ITPKA: variants seen among roughly 807,000 people sequenced by gnomAD.
The protein encoded by ITPKA is IP3 3-kinase A.
Under a neutral mutation model 40.7 loss-of-function variants are expected in ITPKA, and 16 were observed. That is an observed-to-expected ratio of 0.39 (90% CI 0.27 to 0.60). The LOEUF is 0.60. Ranked by LOEUF, ITPKA falls within the 20% of genes least tolerant of loss-of-function variation. ITPKA has a pLI of 0.50. For missense variants in ITPKA, 540 were observed against 649.3 expected, an observed-to-expected ratio of 0.83 and a Z score of 1.83; for synonymous variants, 313 against 289.9, an observed-to-expected ratio of 1.08 and a Z score of -0.81.
intron 1 of ITPKA, among the ~76,000 whole-genome samples, chr15:41,500,150 G>T (rs189521680): frequency 4.2e-4 from 64 of 152,232 alleles, no homozygotes; most frequent in African/African-American, 1.5e-3. Context: ...TAGTAGAGAC[G>T]GGGTTTCACC....
At position 41,500,670 on chromosome 15, in the gene ITPKA, C is replaced by G. The variant is rs138391936; in HGVS notation, c.490-793C>G. 4.7e-4 allele frequency among the ~76,000 whole-genome samples: 71 copies of G among 152,216 alleles called. No homozygotes were observed. In the East Asian group the frequency reaches 0.013, roughly 28 times the overall value. ...TCTTTTTCTTACAGATGCACAGAGG[C>G]TTGTTTCTTGGGCCCTGGAATCTTT... is the stretch of plus-strand genomic sequence containing the variant. On this transcript the variant is annotated intron_variant, in intron 1 of 6. Transcript: ENST00000260386.
In ITPKA at chr15:41,502,818, C is replaced by T; in HGVS notation, c.1141C>T (p.Arg381Trp). The change falls in exon 6 of 7, where the codon CGG becomes TGG. Residue 381 changes from arginine (R) to tryptophan (W), a missense_variant. Coordinates refer to ENST00000260386, the MANE Select transcript of ITPKA (RefSeq NM_002220.3). ...GTATCTGAACCGCCTGCAGCAGATC[C>T]GGGACACCCTGGAGGTATCCGAGTT... ...RRYLNRLQQI[R>W]DTLEVSEFFR... 5.6e-6 allele frequency: 9 copies of T among 1,612,468 alleles called. No individual in the cohort carries two copies. The highest frequency in any genetic ancestry group is 6.8e-6 in the Non-Finnish European group (8 of 1,179,320).
At chr15:41,495,434 T>C (rs1031057174) in intron 1 of ITPKA, among the ~76,000 whole-genome samples, 16 of 152,102 alleles carry the variant, frequency 1.1e-4, no homozygotes, top group African/African-American at 3.9e-4. Context: ...GCGCGCCTGC[T>C]CCGCCGCACA....
At chr15:41,498,524 A>T (rs755045563) in intron 1 of ITPKA, among the ~76,000 whole-genome samples, 1 of 152,144 alleles carries the variant, frequency 6.6e-6, no homozygotes, top group African/African-American at 2.4e-5. Flanking sequence ...CCCACCTGCC[A>T]GCCCTCCTCA....
In ITPKA at chr15:41,494,478, G is replaced by A. The variant is rs570042035; in HGVS notation, c.489+62G>A. On this transcript the variant is annotated intron_variant, in intron 1 of 6. Coordinates refer to ENST00000260386, the MANE Select transcript of ITPKA (RefSeq NM_002220.3). This position sits in a 1 kb window ranked among gnomAD's most constrained non-coding sequence, Gnocchi z 7.8. ...GGGGCTGCACGGGGGACCTGGCTGG[G>A]TGCTCCCGGAGGACCCGCTCCTGTC... is the stretch of plus-strand genomic sequence containing the variant. The A allele has an allele frequency of 4.4e-5, 52 of 1,189,846 alleles. No individual in the cohort carries two copies. The highest frequency in any genetic ancestry group is 5.8e-5 in the Non-Finnish European group (52 of 900,326). The allele number at this position is 1,189,846 out of a possible 1,614,324, so 73.7% of individuals were successfully genotyped here.
At chr15:41,497,045 C>T (rs1351314472) in intron 1 of ITPKA, among the ~76,000 whole-genome samples, 1 of 152,168 alleles carries the variant, frequency 6.6e-6, no homozygotes, top group African/African-American at 2.4e-5. Context: ...CTGGCATGAG[C>T]AGGTGTCTTC....
At chr15:41,498,358 C>T (rs907914473) in intron 1 of ITPKA, among the ~76,000 whole-genome samples, 1 of 151,684 alleles carries the variant, frequency 6.6e-6, no homozygotes, top group Admixed American at 6.6e-5. Context: ...TAGGACTGGC[C>T]TTAGTTGCTG....
chr15:41,495,579 G>A (rs2051065099), intron 1 of ITPKA, among the ~76,000 whole-genome samples: 1 of 152,198 alleles, frequency 6.6e-6, no homozygotes, highest in South Asian at 2.1e-4. Context: ...CAGGTGCTGG[G>A]TGCGCCGGCT....
At chr15:41,497,395 G>C (rs2051080850) in intron 1 of ITPKA, among the ~76,000 whole-genome samples, 1 of 152,118 alleles carries the variant, frequency 6.6e-6, no homozygotes, top group Non-Finnish European at 1.5e-5. Context: ...CACCGGCTAA[G>C]TTTTGTATTT....
Position 41,501,857 on chromosome 15 carries a change from C to T in ITPKA, c.803+6C>T. On this transcript the variant is annotated splice_donor_region_variant and intron_variant, in intron 3 of 6. Coordinates refer to ENST00000260386, the MANE Select transcript of ITPKA (RefSeq NM_002220.3). Reference sequence around the variant, plus strand: ...GACTGCAAAATGGGCGTCAGGTATGCGTGCCCTGCCAGGTCGGTTGGGGGG... The same window carrying T: ...GACTGCAAAATGGGCGTCAGGTATGTGTGCCCTGCCAGGTCGGTTGGGGGG... The T allele has an allele frequency of 6.2e-7, 1 of 1,611,550 alleles. No individual in the cohort carries two copies. Among genetic ancestry groups the T allele is most frequent in the Middle Eastern group, 1.8e-4 (1 of 5,516 alleles).
chr15:41,502,293 C>T (rs552741011), intron 4 of ITPKA, 92 bp downstream of exon 4: 1 of 1,310,822 alleles, frequency 7.6e-7, no homozygotes, highest in African/African-American at 1.4e-5. Context: ...CCCCTCCGCC[C>T]TCTCCCACCG....
At chr15:41,502,903 C>CGG in intron 6 of ITPKA, 44 bp downstream of exon 6, 2 of 1,605,938 alleles carry the variant, frequency 1.2e-6, no homozygotes, top group Non-Finnish European at 8.5e-7. Flanking sequence ...AGGGCTAGGG[C>CGG]GGGAACCCGG....
In ITPKA at chr15:41,493,965, C is replaced by A; in HGVS notation, c.38C>A (p.Pro13Gln). 1 of 1,054,186 alleles carries A rather than the reference C, an allele frequency of 9.5e-7. No homozygotes were observed. Among genetic ancestry groups the A allele is most frequent in the East Asian group, 7.5e-5 (1 of 13,284 alleles). 65.3% of individuals were successfully genotyped at this position (1,054,186 alleles called of 1,614,324 possible). Residue 13 changes from proline to glutamine, a missense_variant, in exon 1 of 7, where the codon CCG becomes CAG. Physicochemically the swap from Pro to Gln is moderately conservative, Grantham distance 76 (BLOSUM62 -1). Coordinates refer to ENST00000260386, the MANE Select transcript of ITPKA (RefSeq NM_002220.3). ...LPGGPTGMAR[P>Q]GGARPCSPGL... The stretch of plus-strand genomic sequence containing the variant: ...GGGGGCCCAACGGGCATGGCGCGGC[C>A]GGGGGGCGCGAGGCCCTGCAGCCCG...
intron 3 of ITPKA, 41 bp downstream of exon 3, chr15:41,501,892 G>A: frequency 6.2e-7 from 1 of 1,600,906 alleles, no homozygotes; most frequent in Non-Finnish European, 8.5e-7. Flanking sequence ...GATCAAGTAG[G>A]GGTCCGGGGC....
rs985156674 is a variant in ITPKA at position 41,494,118 on chromosome 15, G to A, written c.191G>A (p.Gly64Glu). 9 of 1,403,064 alleles carry A rather than the reference G, an allele frequency of 6.4e-6. No homozygotes were observed. The highest frequency in any genetic ancestry group is 5.6e-5 in the Admixed American group (2 of 35,944). 86.9% of individuals were successfully genotyped at this position (1,403,064 alleles called of 1,614,324 possible). A position where few individuals can be genotyped will look rare whatever the true frequency, so the allele number is the denominator to read the frequency against. The change falls in exon 1 of 7, where the codon GGA becomes GAA. Residue 64 changes from glycine (G) to glutamate (E), a missense_variant. Physicochemically the swap from Gly to Glu is moderately conservative, Grantham distance 98. Coordinates refer to ENST00000260386, the MANE Select transcript of ITPKA (RefSeq NM_002220.3). This position sits in a 1 kb window ranked among gnomAD's most constrained non-coding sequence, Gnocchi z 7.8. The stretch of plus-strand genomic sequence containing the variant: ...GCCCGCGGGGCCAAGCGGCGTGGGG[G>A]ACAGGTCCCCAACGGGCTTCCGCGG... ...PRARGAKRRG[G>E]QVPNGLPRAP...
intron 1 of ITPKA, among the ~76,000 whole-genome samples, chr15:41,497,388 C>T (rs575941370): frequency 5.3e-5 from 8 of 152,258 alleles, no homozygotes; most frequent in Non-Finnish European, 7.4e-5. Flanking sequence ...ACCACCACAC[C>T]GGCTAAGTTT....
chr15:41,497,609 G>C (rs1003777474), intron 1 of ITPKA, among the ~76,000 whole-genome samples: 8 of 152,180 alleles, frequency 5.3e-5, no homozygotes, highest in African/African-American at 1.9e-4. Context: ...TGAGTTCCAT[G>C]ACACTTGCAC....
chr15:41,495,649 G>A (rs1170352085), intron 1 of ITPKA, among the ~76,000 whole-genome samples: 1 of 152,234 alleles, frequency 6.6e-6, no homozygotes, highest in East Asian at 1.9e-4. Context: ...CCGGACCCAG[G>A]ATCGTTTCTG....
At chr15:41,502,318 G>A in intron 4 of ITPKA, 84 bp from the exon 5 acceptor site, 1 of 1,388,374 alleles carries the variant, frequency 7.2e-7, no homozygotes, top group Non-Finnish European at 1.0e-6. Context: ...GCCGTCCCCT[G>A]CAACTGGGAG....
Sources: gnomAD v4.1 joint callset for allele counts (sites outside exome capture counted in the v4.1 genomes callset) on GRCh38, gnomAD v4.1.1 for gene constraint, Gnocchi (gnomAD v3.1) non-coding constraint, MANE v1.5 for transcripts, NCBI Gene and HGNC (gene_info 2026-07-23, HGNC 2026-07-21) for gene names.